Variants in POU2AF2 observed in about 807,000 individuals in gnomAD.
The protein encoded by POU2AF2 is POU class 2 homeobox associating factor 2.
At chr11:111,274,243 G>C in the POU2AF2 span, among the ~76,000 whole-genome samples, 4 of 152,120 alleles carry the variant, frequency 2.6e-5, no homozygotes, top group African/African-American at 9.7e-5. Context: ...CCCTTTAGGA[G>C]TCTTCTAGGG....
At chr11:111,245,830 G>T in the POU2AF2 span, 1 of 398,860 alleles carries the variant, frequency 2.5e-6, no homozygotes, top group Non-Finnish European at 4.4e-6. Context: ...CTGTTAAGAA[G>T]GAAATCCACC....
At chr11:111,256,699 G>A in the POU2AF2 span, among the ~76,000 whole-genome samples, 2 of 152,304 alleles carry the variant, frequency 1.3e-5, no homozygotes, top group East Asian at 1.9e-4. Context: ...GCCAGCAGGC[G>A]CGCCAGGAGC....
chr11:111,246,667 T>C, the POU2AF2 span, among the ~76,000 whole-genome samples: 1 of 152,228 alleles, frequency 6.6e-6, no homozygotes, highest in Admixed American at 6.5e-5. Context: ...TAAAATTGGT[T>C]ATTAGCTGTG....
At chr11:111,281,673 A>G in the POU2AF2 span, among the ~76,000 whole-genome samples, 423 of 152,356 alleles carry the variant, frequency 2.8e-3, 1 homozygote, top group Non-Finnish European at 4.5e-3. Context: ...GGCAAAGGCA[A>G]TATAAATTAT....
chr11:111,247,191 C>CAGAGAGAGAGAGAGAGAGAGAGAGAGAG, the POU2AF2 span, among the ~76,000 whole-genome samples: 1 of 144,762 alleles, frequency 6.9e-6, no homozygotes, highest in African/African-American at 2.6e-5. Flanking sequence ...TACACACACA[C>CAGAGAGAGAGAGAGAGAGAGAGAGAGAG]AGAGAGAGAG....
the POU2AF2 span, among the ~76,000 whole-genome samples, chr11:111,250,801 G>A: frequency 6.6e-6 from 1 of 152,292 alleles, no homozygotes; most frequent in African/African-American, 2.4e-5. Context: ...TAGCCATGTG[G>A]ATAATGGGGA....
At chr11:111,277,730 G>A in the POU2AF2 span, among the ~76,000 whole-genome samples, 7 of 152,216 alleles carry the variant, frequency 4.6e-5, no homozygotes, top group Admixed American at 6.5e-5. Flanking sequence ...GAGAAGGTGG[G>A]AGAAGAACAA....
the POU2AF2 span, among the ~76,000 whole-genome samples, chr11:111,248,897 T>C: frequency 1.3e-5 from 2 of 152,214 alleles, no homozygotes; most frequent in African/African-American, 4.8e-5. Flanking sequence ...TTTGATTTGA[T>C]AGAGAAAACG....
chr11:111,281,296 C>T, the POU2AF2 span: 1 of 947,538 alleles, frequency 1.1e-6, no homozygotes, highest in Non-Finnish European at 1.6e-6. Flanking sequence ...CCAGATAATA[C>T]TTCTGAATAT....
chr11:111,282,921 A>C, the POU2AF2 span, among the ~76,000 whole-genome samples: 1 of 152,206 alleles, frequency 6.6e-6, no homozygotes, highest in African/African-American at 2.4e-5. Context: ...GTTTTCTGCT[A>C]CAACTGAGCT....
At chr11:111,282,933 C>T in the POU2AF2 span, among the ~76,000 whole-genome samples, 2 of 152,100 alleles carry the variant, frequency 1.3e-5, no homozygotes, top group African/African-American at 2.4e-5. Context: ...AACTGAGCTA[C>T]GGGGTCAGAA....
At chr11:111,276,323 C>T in the POU2AF2 span, among the ~76,000 whole-genome samples, 4 of 150,862 alleles carry the variant, frequency 2.7e-5, no homozygotes, top group Non-Finnish European at 4.4e-5. Context: ...ACTGGCCGGG[C>T]GCGGTGGCTC....
chr11:111,284,021 G>T, the POU2AF2 span: 13 of 1,548,028 alleles, frequency 8.4e-6, no homozygotes, highest in Non-Finnish European at 1.1e-5. Flanking sequence ...TGCAACCGAG[G>T]CCTTGACCGC....
the POU2AF2 span, chr11:111,281,292 A>T: frequency 1.1e-6 from 1 of 876,452 alleles, no homozygotes; most frequent in Non-Finnish European, 1.7e-6. Flanking sequence ...CTCCCCAGAT[A>T]ATACTTCTGA....
At chr11:111,280,937 A>T in the POU2AF2 span, among the ~76,000 whole-genome samples, 1 of 152,228 alleles carries the variant, frequency 6.6e-6, no homozygotes, top group Non-Finnish European at 1.5e-5. Context: ...ATAAATTCTT[A>T]GCTAAGATGG....
chr11:111,280,054 A>AT, the POU2AF2 span, among the ~76,000 whole-genome samples: 14 of 91,306 alleles, frequency 1.5e-4, no homozygotes, highest in South Asian at 2.0e-3. Context: ...AAAAAAAAAA[A>AT]AAAATATATA....
the POU2AF2 span, among the ~76,000 whole-genome samples, chr11:111,264,554 AAG>A: frequency 1.6e-5 from 1 of 62,388 alleles, no homozygotes; most frequent in Non-Finnish European, 3.4e-5. Flanking sequence ...GAAAGAAAGA[AAG>A]AAAGAAAGAA....
the POU2AF2 span, among the ~76,000 whole-genome samples, chr11:111,247,878 CTT>C: frequency 9.6e-5 from 11 of 115,008 alleles, no homozygotes; most frequent in African/African-American, 1.0e-4. Flanking sequence ...TATAAGTGGC[CTT>C]TTTTTTTTTT....
At chr11:111,256,217 C>T in the POU2AF2 span, 4 of 396,330 alleles carry the variant, frequency 1.0e-5, no homozygotes, top group Admixed American at 8.8e-5. Flanking sequence ...TTAACTGGCA[C>T]GCAGTATAGA....
Sources: gnomAD v4.1 joint callset for allele counts (sites outside exome capture counted in the v4.1 genomes callset) on GRCh38, gnomAD v4.1.1 for gene constraint, MANE v1.5 for transcripts, NCBI Gene and HGNC (gene_info 2026-07-23, HGNC 2026-07-21) for gene names.